BSN: variants seen among roughly 807,000 people sequenced by gnomAD.
BSN encodes the protein bassoon presynaptic cytomatrix protein.
In BSN, 57 loss-of-function variants were observed where a neutral mutation model predicts 264.8. The ratio of observed to expected loss-of-function variants is 0.22; its 90% CI spans 0.17 to 0.27. The LOEUF (loss-of-function observed/expected upper bound fraction) is 0.27, where lower values mean the gene tolerates loss of function less well. BSN is among the 10% of genes least tolerant of loss of function. The pLI, the probability that BSN is intolerant of heterozygous loss-of-function variation, is 1.00. For synonymous variants in BSN, 2,059 were observed against 2,137.3 expected (o/e 0.96, Z 1.01); for missense variants, 4,615 against 5,232.5 (o/e 0.88, Z 3.64).
chr3:49,663,971 C>A, intron 8 of BSN, 85 bp downstream of exon 8: 2 of 1,279,568 alleles, frequency 1.6e-6, no homozygotes, highest in South Asian at 1.3e-5. Context: ...CTGAGCTCCC[C>A]CACACTGCAT....
Position 49,662,258 on chromosome 3 carries a change from G to A in BSN, c.10413G>A (p.Glu3471=). ...GWGKGYERER[E]AVERLQKAGP... Reference sequence around the variant, plus strand: ...GCAAGGGGTACGAAAGGGAACGGGAGGCTGTGGAGCGACTTCAAAAAGCGG... The same window carrying A: ...GCAAGGGGTACGAAAGGGAACGGGAAGCTGTGGAGCGACTTCAAAAAGCGG... The change falls in exon 6 of 12, where the codon GAG becomes GAA. Residue 3471 remains glutamate, a synonymous_variant. Transcript: ENST00000296452. 1 of 1,613,936 alleles carries A rather than the reference G, an allele frequency of 6.2e-7. No homozygotes were observed. Among genetic ancestry groups the A allele is most frequent in the Non-Finnish European group, 8.5e-7 (1 of 1,179,948 alleles).
chr3:49,671,863 G>A (rs564538524), downstream of BSN, among the ~76,000 whole-genome samples: 44 of 152,200 alleles, frequency 2.9e-4, no homozygotes, highest in African/African-American at 9.9e-4. This position sits in a 1 kb window ranked among gnomAD's most constrained non-coding sequence, Gnocchi z 4.1. Context: ...TTCCAGGGAG[G>A]CAGTGAACAA....
intron 1 of BSN, among the ~76,000 whole-genome samples, chr3:49,611,131 A>T (rs1352013531): frequency 1.3e-5 from 2 of 152,194 alleles, no homozygotes; most frequent in African/African-American, 2.4e-5. Context: ...GGGCAGGACT[A>T]TGGGAAGTGG....
At chr3:49,672,781 CTTTTTTTTTT>C (rs757536435), downstream of BSN, among the ~76,000 whole-genome samples, 13 of 106,984 alleles carry the variant, frequency 1.2e-4, no homozygotes, top group African/African-American at 4.6e-4. Flanking sequence ...GCGCCTGGCA[CTTTTTTTTTT>C]TTTTTTTTAA....
Position 49,554,699 on chromosome 3 carries a change from G to T in BSN, c.97G>T (p.Ala33Ser), listed in dbSNP as rs2107992912. ...PGPGPGPGPGAGKPPSAPAGG... is the reference protein window; with the variant it reads ...PGPGPGPGPGSGKPPSAPAGG... ...CCCGGGCCCCGGCCCCGGCCCCGGC[G>T]CAGGAAAGCCGCCTTCAGCACCGGC... Residue 33 changes from alanine to serine, a missense_variant, in exon 1 of 12, where the codon GCA becomes TCA. Physicochemically the swap from Ala to Ser is moderately conservative, Grantham distance 99. Coordinates refer to ENST00000296452, the MANE Select transcript of BSN (RefSeq NM_003458.4). The T allele has an allele frequency of 8.8e-7, 1 of 1,136,286 alleles. No homozygotes were observed. The highest frequency in any genetic ancestry group is 1.1e-6 in the Non-Finnish European group (1 of 924,720). 70.4% of individuals were successfully genotyped at this position (1,136,286 alleles called of 1,614,324 possible).
intron 1 of BSN, among the ~76,000 whole-genome samples, chr3:49,565,144 CTTTTTTT>C (rs971015437): frequency 1.9e-5 from 2 of 104,580 alleles, no homozygotes; most frequent in East Asian, 4.7e-4. Context: ...AGAGGATTTT[CTTTTTTT>C]TTTTTTTTTT....
At chr3:49,613,334 GAGA>G (rs2052225757) in intron 1 of BSN, among the ~76,000 whole-genome samples, 1 of 149,988 alleles carries the variant, frequency 6.7e-6, no homozygotes, top group Non-Finnish European at 1.5e-5. Flanking sequence ...GAGAGAGAGA[GAGA>G]GAGAGAGAGA....
Position 49,653,560 on chromosome 3 carries a change from G to A in BSN, c.4004G>A (p.Arg1335Gln), listed in dbSNP as rs547695155. Residue 1335 changes from arginine to glutamine, a missense_variant, in exon 5 of 12, where the codon CGA becomes CAA. Coordinates refer to ENST00000296452, the MANE Select transcript of BSN (RefSeq NM_003458.4). This position sits in a 1 kb window ranked among gnomAD's most constrained non-coding sequence, Gnocchi z 6.3. ...ACCTCCTCAGACAGCAGCGGGGGCC[G>A]AGTTATTCCCGATGTCCGTGTCACT... The part of the protein sequence containing the change: ...TPTSSDSSGG[R>Q]VIPDVRVTQH... 40 of 1,613,884 alleles carry A rather than the reference G, an allele frequency of 2.5e-5. No individual in the cohort carries two copies. The highest frequency in any genetic ancestry group is 3.0e-5 in the Non-Finnish European group (35 of 1,179,974).
chr3:49,609,166 A>G (rs2052183364), intron 1 of BSN, among the ~76,000 whole-genome samples: 1 of 148,254 alleles, frequency 6.7e-6, no homozygotes, highest in Non-Finnish European at 1.5e-5. Flanking sequence ...CAGTGGTGCA[A>G]TCATAGCTTA....
At position 49,663,442 on chromosome 3, in the gene BSN, C is replaced by T; in HGVS notation, c.11284C>T (p.Pro3762Ser). 6.2e-7 allele frequency: 1 copy of T among 1,613,054 alleles called. No individual in the cohort carries two copies. Among genetic ancestry groups the T allele is most frequent in the Non-Finnish European group, 8.5e-7 (1 of 1,180,016 alleles). The change falls in exon 7 of 12, where the codon CCA (proline) becomes TCA (serine). Residue 3762 changes from proline to serine, a missense_variant. This residue lies in a region of BSN where 3,415 missense variants were observed against 3,866.4 expected (regional missense o/e 0.88). Transcript: ENST00000296452. Reference protein sequence around the residue: ...AAPGPQQSQSPSSRQIPSGAA... With the variant: ...AAPGPQQSQSSSSRQIPSGAA... Reference sequence around the variant, plus strand: ...TCCAGGACCACAGCAGTCACAGTCACCATCATCCAGGCAAATACCCTCTGG... The same window carrying T: ...TCCAGGACCACAGCAGTCACAGTCATCATCATCCAGGCAAATACCCTCTGG...
At position 49,664,970 on chromosome 3, in the gene BSN, T is replaced by C. The variant is rs1279848688; in HGVS notation, c.*14+117T>C. On this transcript the variant is annotated intron_variant, in intron 10 of 11. Transcript: ENST00000296452. ...GGGAGGAGTCCAGTCTTCGGCTGGTTCAGTACCCAGAGCTGCAATGTTCCC... is the reference window on the plus strand; with the variant it reads ...GGGAGGAGTCCAGTCTTCGGCTGGTCCAGTACCCAGAGCTGCAATGTTCCC... 3 of 770,534 alleles carry C rather than the reference T, an allele frequency of 3.9e-6. No individual in the cohort carries two copies. In the East Asian group the frequency reaches 7.3e-5, roughly 19 times the overall value. The allele number at this position is 770,534 out of a possible 1,614,324, so 47.7% of individuals were successfully genotyped here.
At chr3:49,565,013 AAAG>A (rs1008222066) in intron 1 of BSN, among the ~76,000 whole-genome samples, 4 of 151,870 alleles carry the variant, frequency 2.6e-5, no homozygotes, top group East Asian at 3.8e-4. Flanking sequence ...AAAAAGAAGA[AAAG>A]AAGAAGAAAG....
In BSN at chr3:49,667,748, C is replaced by G. The variant is rs1010700259; in HGVS notation, c.*263C>G. On this transcript the variant is annotated 3_prime_UTR_variant, in exon 12 of 12. Coordinates refer to ENST00000296452, the MANE Select transcript of BSN (RefSeq NM_003458.4). ...GGCCAGGGGACCTTTGATTGTCTTTCCAGAGATGCTGCTCTCTGCAGGGCA... is the reference window on the plus strand; with the variant it reads ...GGCCAGGGGACCTTTGATTGTCTTTGCAGAGATGCTGCTCTCTGCAGGGCA... 1.3e-5 allele frequency: 2 copies of G among 152,560 alleles called. No individual in the cohort carries two copies. The highest frequency in any genetic ancestry group is 4.8e-5 in the African/African-American group (2 of 41,428). The allele number at this position is 152,560 out of a possible 1,614,324, so 9.5% of individuals were successfully genotyped here.
intron 2 of BSN, among the ~76,000 whole-genome samples, chr3:49,629,029 C>T (rs926125270): frequency 1.2e-4 from 18 of 152,146 alleles, no homozygotes; most frequent in Non-Finnish European, 2.4e-4. Flanking sequence ...ACATTTCTCA[C>T]CACCCACAAG....
Position 49,572,444 on chromosome 3 carries a change from G to C in BSN, c.224+17618G>C, listed in dbSNP as rs535449126. ...AGGTCGAAAGTGGGTGATATTATAA[G>C]ATCAGAGTGGTATCCTTTGGAACTC... On this transcript the variant is annotated intron_variant, in intron 1 of 11. Transcript: ENST00000296452. Among the ~76,000 whole-genome samples, 3 of 152,292 alleles carry C rather than the reference G, an allele frequency of 2.0e-5. No homozygotes were observed. In the South Asian group the frequency reaches 6.2e-4, roughly 32 times the overall value.
chr3:49,570,327 C>G (rs2051785679), intron 1 of BSN, among the ~76,000 whole-genome samples: 1 of 152,162 alleles, frequency 6.6e-6, no homozygotes, highest in Admixed American at 6.5e-5. Context: ...AACAGGGAGG[C>G]TTGATCTGGT....
intron 1 of BSN, among the ~76,000 whole-genome samples, chr3:49,622,036 T>G (rs1214000626): frequency 2.0e-5 from 3 of 152,118 alleles, no homozygotes; most frequent in African/African-American, 7.2e-5. Flanking sequence ...ATAATTGAAA[T>G]GATCCAATAG....
At chr3:49,628,013 C>T (rs963966464) in intron 2 of BSN, among the ~76,000 whole-genome samples, 1 of 152,088 alleles carries the variant, frequency 6.6e-6, no homozygotes, top group Non-Finnish European at 1.5e-5. Context: ...GTGTCCAGGG[C>T]GTGTCGGCAG....
chr3:49,566,170 C>A (rs2051750663), intron 1 of BSN, among the ~76,000 whole-genome samples: 1 of 152,224 alleles, frequency 6.6e-6, no homozygotes, highest in African/African-American at 2.4e-5. Context: ...CAAACAACGT[C>A]TACATATTGC....
Sources: gnomAD v4.1 joint callset for allele counts (sites outside exome capture counted in the v4.1 genomes callset) on GRCh38, gnomAD v4.1.1 for gene constraint, gnomAD v4.1.1 regional missense constraint, Gnocchi (gnomAD v3.1) non-coding constraint, MANE v1.5 for transcripts, NCBI Gene and HGNC (gene_info 2026-07-23, HGNC 2026-07-21) for gene names.